NELL1: variants seen among roughly 807,000 people sequenced by gnomAD.
The protein encoded by NELL1 is protein kinase C-binding protein NELL1.
A neutral mutation model predicts 107.4 loss-of-function variants in NELL1; 76 were observed. The ratio of observed to expected loss-of-function variants is 0.71; its 90% confidence interval spans 0.59 to 0.86. The LOEUF (loss-of-function observed/expected upper bound fraction) is 0.86, where lower values mean the gene tolerates loss of function less well. Among genes scored for constraint, NELL1 ranks in the 40% least tolerant of loss-of-function variants. NELL1 has a pLI of 0.00. For synonymous variants in NELL1, 353 were observed against 341.2 expected, an observed-to-expected ratio of 1.03 and a Z score of -0.38; for missense variants, 1,024 against 1,005.5, an observed-to-expected ratio of 1.02 and a Z score of -0.25.
chr11:20,928,093 T>A (rs1020082590), intron 8 of NELL1, among the ~76,000 whole-genome samples: 1 of 152,226 alleles, frequency 6.6e-6, no homozygotes, highest in African/African-American at 2.4e-5. Flanking sequence ...AAATGTGTTA[T>A]TTATGTTCTT....
At chr11:20,795,252 G>A (rs1170762087) in intron 3 of NELL1, among the ~76,000 whole-genome samples, 1 of 152,150 alleles carries the variant, frequency 6.6e-6, no homozygotes, top group South Asian at 2.1e-4. Flanking sequence ...AGTTCCCATG[G>A]ATATCTTAAG....
intron 3 of NELL1, among the ~76,000 whole-genome samples, chr11:20,811,387 T>C (rs1445412857): frequency 6.6e-6 from 1 of 152,124 alleles, no homozygotes; most frequent in Non-Finnish European, 1.5e-5. Flanking sequence ...GTGATGCCTC[T>C]AGCTTTCTTT....
chr11:21,228,425 C>T (rs902469214), intron 13 of NELL1, among the ~76,000 whole-genome samples: 1 of 152,110 alleles, frequency 6.6e-6, no homozygotes. Context: ...ATTCTGAACC[C>T]TATGAAAGTG....
chr11:21,066,026 G>A (rs905039611), intron 12 of NELL1, among the ~76,000 whole-genome samples: 5 of 152,144 alleles, frequency 3.3e-5, no homozygotes, highest in Non-Finnish European at 7.3e-5. Context: ...GCCTATTCCT[G>A]AGTGGTATTC....
intron 14 of NELL1, among the ~76,000 whole-genome samples, chr11:21,356,711 A>G (rs1433367399): frequency 1.3e-5 from 2 of 152,170 alleles, no homozygotes; most frequent in African/African-American, 4.8e-5. Flanking sequence ...TTACATGGAT[A>G]CGATCTTTAG....
At position 21,224,327 on chromosome 11, in the gene NELL1, T is replaced by C. The variant is rs1311327081; in HGVS notation, c.1427-5005T>C. Among the ~76,000 whole-genome samples, 3 of 151,996 alleles carry C rather than the reference T, an allele frequency of 2.0e-5. 1 individual carries two copies. Among genetic ancestry groups the C allele is most frequent in the East Asian group, 3.9e-4 (2 of 5,186 alleles). ...GCATGAACATGGTTCCCTGCAACCT[T>C]GACCTCCTGGGCTCAAGTGATCCTC... is the stretch of plus-strand genomic sequence containing the variant. On this transcript the variant is annotated intron_variant, in intron 13 of 19. Transcript: ENST00000357134.
At chr11:21,395,591 T>C (rs918123085) in intron 15 of NELL1, among the ~76,000 whole-genome samples, 2 of 151,528 alleles carry the variant, frequency 1.3e-5, no homozygotes, top group East Asian at 2.0e-4. Context: ...TAAAATGGCA[T>C]TGGTGATCAT....
intron 15 of NELL1, among the ~76,000 whole-genome samples, chr11:21,393,987 G>A (rs898554926): frequency 1.1e-4 from 17 of 151,718 alleles, no homozygotes; most frequent in South Asian, 2.1e-4. Flanking sequence ...AGGCCTGGGG[G>A]CAGTAGAGCA....
At chr11:21,553,159 G>C (rs1856631461) in intron 16 of NELL1, among the ~76,000 whole-genome samples, 1 of 151,830 alleles carries the variant, frequency 6.6e-6, no homozygotes, top group Admixed American at 6.6e-5. Flanking sequence ...ACAGAAGAGA[G>C]AAGAAATAAT....
At chr11:21,192,142 G>T (rs1162253762) in intron 13 of NELL1, among the ~76,000 whole-genome samples, 1 of 151,762 alleles carries the variant, frequency 6.6e-6, no homozygotes, top group Non-Finnish European at 1.5e-5. Context: ...ATATGGCAGG[G>T]ATGTGTGTTA....
At chr11:21,237,615 T>C (rs1471686555) in intron 14 of NELL1, among the ~76,000 whole-genome samples, 3 of 152,110 alleles carry the variant, frequency 2.0e-5, no homozygotes, top group Non-Finnish European at 4.4e-5. Context: ...TGTGTACTTA[T>C]GATGGGCCAG....
chr11:20,731,945 A>T (rs1286155496), intron 2 of NELL1, among the ~76,000 whole-genome samples: 2 of 152,132 alleles, frequency 1.3e-5, no homozygotes, highest in Non-Finnish European at 2.9e-5. Flanking sequence ...TGAGTAAAAG[A>T]CTTCCCTTCA....
At chr11:21,565,982 AT>A (rs1856963857) in intron 17 of NELL1, among the ~76,000 whole-genome samples, 3 of 151,976 alleles carry the variant, frequency 2.0e-5, no homozygotes, top group African/African-American at 7.2e-5. Flanking sequence ...TTCATAGTCT[AT>A]ATCAGGCATC....
chr11:21,478,859 A>G (rs906938377), intron 15 of NELL1, among the ~76,000 whole-genome samples: 3 of 151,150 alleles, frequency 2.0e-5, no homozygotes. Context: ...AAAACTGATA[A>G]TCTGATTTAA....
intron 15 of NELL1, among the ~76,000 whole-genome samples, chr11:21,373,502 C>CT (rs747756930): frequency 1.3e-5 from 2 of 152,052 alleles, no homozygotes; most frequent in African/African-American, 4.8e-5. Flanking sequence ...ATAGAATCCA[C>CT]TTATGTTTAG....
chr11:20,785,250 G>T lies in NELL1; in HGVS notation c.335+1420G>T, dbSNP rs551306188. ...ACAGTTTTGTCTTTAATGGTTGTTT[G>T]TTCTCAGCCTCAAAGCGTGGTGATG... On this transcript the variant is annotated intron_variant, in intron 3 of 19. Coordinates refer to ENST00000357134, the MANE Select transcript of NELL1 (RefSeq NM_006157.5). Among the ~76,000 whole-genome samples the T allele has an allele frequency of 1.0e-3, 156 of 152,320 alleles. 1 individual carries two copies. The Middle Eastern group carries it at 0.014, about 13-fold the overall frequency.
intron 14 of NELL1, among the ~76,000 whole-genome samples, chr11:21,327,162 G>GT (rs369129791): frequency 0.093 from 8,938 of 96,372 alleles, 572 homozygotes; most frequent in Non-Finnish European, 0.14. Context: ...GAGATCTGAT[G>GT]TTTTTTTTTT....
At chr11:21,378,812 G>A (rs1269963646) in intron 15 of NELL1, among the ~76,000 whole-genome samples, 2 of 150,866 alleles carry the variant, frequency 1.3e-5, no homozygotes, top group Non-Finnish European at 2.9e-5. Context: ...CCACCTCCTG[G>A]GTTCAAGCGA....
intron 12 of NELL1, among the ~76,000 whole-genome samples, chr11:21,061,069 A>T (rs1008848381): frequency 6.6e-6 from 1 of 152,120 alleles, no homozygotes; most frequent in Non-Finnish European, 1.5e-5. Context: ...AGGGACTTTG[A>T]TATTGCAAAG....
Sources: gnomAD v4.1 joint callset for allele counts (sites outside exome capture counted in the v4.1 genomes callset) on GRCh38, gnomAD v4.1.1 for gene constraint, MANE v1.5 for transcripts, NCBI Gene and HGNC (gene_info 2026-07-23, HGNC 2026-07-21) for gene names.